The following AGBL1 variants were observed in gnomAD, a reference collection of about 807,000 sequenced individuals.
AGBL1 encodes the protein cytosolic carboxypeptidase 4.
A neutral mutation model predicts 118.9 loss-of-function variants in AGBL1; 130 were observed. The observed-to-expected ratio is 1.09, with a 90% CI of 0.95 to 1.26. AGBL1 has a LOEUF of 1.26. Ranked by LOEUF, AGBL1 falls within the 50% of genes most tolerant of loss-of-function variation. The pLI, the probability that AGBL1 is intolerant of heterozygous loss-of-function variation, is 0.00. For missense variants in AGBL1, 1,584 were observed against 1,298.1 expected, an observed-to-expected ratio of 1.22 and a Z score of -3.38; for synonymous variants, 555 against 478.9, an observed-to-expected ratio of 1.16 and a Z score of -2.08.
chr15:86,203,540 C>G (rs1295357499), intron 5 of AGBL1, among the ~76,000 whole-genome samples: 1 of 152,188 alleles, frequency 6.6e-6, no homozygotes, highest in Non-Finnish European at 1.5e-5. Flanking sequence ...AGAATTTTGA[C>G]TCACAGGCTT....
chr15:86,744,112 T>C (rs1210796663), intron 22 of AGBL1, among the ~76,000 whole-genome samples: 1 of 152,098 alleles, frequency 6.6e-6, no homozygotes, highest in Non-Finnish European at 1.5e-5. Flanking sequence ...GAGAAATGAA[T>C]GAAATGGGAG....
At chr15:86,384,639 A>C (rs2081158673) in intron 17 of AGBL1, among the ~76,000 whole-genome samples, 1 of 152,166 alleles carries the variant, frequency 6.6e-6, no homozygotes, top group Non-Finnish European at 1.5e-5. Flanking sequence ...GGATTGGCTC[A>C]TCTTTATTCA....
intron 1 of AGBL1, among the ~76,000 whole-genome samples, chr15:86,110,901 T>G (rs1407953318): frequency 6.6e-6 from 1 of 152,290 alleles, no homozygotes; most frequent in South Asian, 2.1e-4. Context: ...AGAGGTTTGT[T>G]TAGTAAACAA....
At chr15:86,996,271 G>A (rs924387087) in intron 24 of AGBL1, among the ~76,000 whole-genome samples, 1 of 152,160 alleles carries the variant, frequency 6.6e-6, no homozygotes, top group Non-Finnish European at 1.5e-5. Flanking sequence ...AGATCAAGCA[G>A]CAGATTCTTC....
intron 6 of AGBL1, among the ~76,000 whole-genome samples, chr15:86,234,584 C>A (rs1313361262): frequency 1.4e-5 from 2 of 147,700 alleles, no homozygotes; most frequent in African/African-American, 2.5e-5. Flanking sequence ...GAGTAAGTCA[C>A]AGTGGAGAAT....
chr15:86,479,997 A>C (rs1388966222), intron 18 of AGBL1, among the ~76,000 whole-genome samples: 1 of 152,126 alleles, frequency 6.6e-6, no homozygotes, highest in African/African-American at 2.4e-5. Context: ...AAAAAAACCA[A>C]ACACCACATG....
At chr15:86,419,912 A>G (rs539487860) in intron 18 of AGBL1, among the ~76,000 whole-genome samples, 7 of 152,278 alleles carry the variant, frequency 4.6e-5, no homozygotes, top group African/African-American at 1.7e-4. Context: ...CTGCCTCTCT[A>G]GATTCCTCCT....
At chr15:86,251,107 C>T (rs1459166020) in intron 7 of AGBL1, among the ~76,000 whole-genome samples, 1 of 152,138 alleles carries the variant, frequency 6.6e-6, no homozygotes, top group Admixed American at 6.5e-5. Context: ...GCAGACTCTC[C>T]AATATTGATA....
intron 23 of AGBL1, among the ~76,000 whole-genome samples, chr15:86,984,336 A>G (rs1446981827): frequency 6.7e-6 from 1 of 149,552 alleles, no homozygotes; most frequent in Admixed American, 6.7e-5. Context: ...ATTTTTTCAA[A>G]GTAGATTGTT....
intron 22 of AGBL1, among the ~76,000 whole-genome samples, chr15:86,743,061 A>G (rs1434506938): frequency 6.6e-6 from 1 of 152,122 alleles, no homozygotes; most frequent in Non-Finnish European, 1.5e-5. Context: ...GGATGAATGG[A>G]TGCATTTTGA....
chr15:86,286,673 T>C (rs1378646151), intron 16 of AGBL1, among the ~76,000 whole-genome samples: 3 of 144,174 alleles, frequency 2.1e-5, no homozygotes, highest in Admixed American at 7.1e-5. Flanking sequence ...TAGTAATCCA[T>C]TGTGTATGTA....
At chr15:86,694,957 G>A (rs1187944521) in intron 22 of AGBL1, among the ~76,000 whole-genome samples, 2 of 151,982 alleles carry the variant, frequency 1.3e-5, no homozygotes. Context: ...CTCAATCATG[G>A]TGGATTATCT....
intron 5 of AGBL1, among the ~76,000 whole-genome samples, chr15:86,207,900 A>C (rs970550855): frequency 2.0e-5 from 3 of 152,166 alleles, no homozygotes; most frequent in Non-Finnish European, 2.9e-5. Flanking sequence ...CACTTTTCAA[A>C]GGGAATGCTT....
downstream of AGBL1, among the ~76,000 whole-genome samples, chr15:86,919,220 G>A (rs2080460038): frequency 6.6e-6 from 1 of 152,136 alleles, no homozygotes; most frequent in African/African-American, 2.4e-5. Flanking sequence ...CTATAAGTGA[G>A]TGGCCCCTTC....
intron 22 of AGBL1, among the ~76,000 whole-genome samples, chr15:86,852,343 C>T (rs1414558606): frequency 6.6e-6 from 1 of 152,180 alleles, no homozygotes; most frequent in African/African-American, 2.4e-5. Flanking sequence ...ACACCTCCCT[C>T]TCTCCACACA....
Position 86,295,347 on chromosome 15 carries a change from T to G in AGBL1, c.2313T>G (p.Cys771Trp). 6.2e-7 allele frequency: 1 copy of G among 1,612,660 alleles called. No individual in the cohort carries two copies. The highest frequency in any genetic ancestry group is 8.5e-7 in the Non-Finnish European group (1 of 1,179,254). Reference protein sequence around the residue: ...VLCQTLGGNPCPLVTITAMPE... With the variant: ...VLCQTLGGNPWPLVTITAMPE... Reference sequence around the variant, plus strand: ...GCCAGACGCTGGGAGGGAATCCGTGTCCCTTGGTGACCATCACGGCCATGC... The same window carrying G: ...GCCAGACGCTGGGAGGGAATCCGTGGCCCTTGGTGACCATCACGGCCATGC... The change falls in exon 17 of 23, where the codon TGT becomes TGG. Residue 771 changes from cysteine to tryptophan, a missense_variant. By Grantham distance (215) the Cys-to-Trp change is radical (BLOSUM62 -2). Coordinates refer to ENST00000614907, the MANE Select transcript of AGBL1 (RefSeq NM_001386094.1).
At position 86,870,454 on chromosome 15, in the gene AGBL1, C is replaced by CAAAAAAAAA. The variant is rs770556494; in HGVS notation, c.3159-36599_3159-36591dup. On this transcript the variant is annotated intron_variant, in intron 22 of 22. Transcript: ENST00000614907. ...GGCAAGAAAAAAGTAAAGCATACTG[C>CAAAAAAAAA]AAAAAAAAAAAAAAAAAAAAAAAAA... 1.1e-3 allele frequency among the ~76,000 whole-genome samples: 69 copies of CAAAAAAAAA among 64,086 alleles called. 1 individual carries two copies. The highest frequency in any genetic ancestry group is 1.4e-3 in the Non-Finnish European group (51 of 36,168). The allele number at this position is 64,086 out of a possible 152,430, so 42.0% of individuals were successfully genotyped here. A position where few individuals can be genotyped will look rare whatever the true frequency, so the allele number is the denominator to read the frequency against.
At chr15:86,307,929 A>T (rs573400107) in intron 17 of AGBL1, among the ~76,000 whole-genome samples, 1 of 152,152 alleles carries the variant, frequency 6.6e-6, no homozygotes, top group Non-Finnish European at 1.5e-5. Context: ...AATGGCTTTC[A>T]CTCATACTAC....
At chr15:86,833,963 G>T (rs2079139648) in intron 22 of AGBL1, among the ~76,000 whole-genome samples, 1 of 152,062 alleles carries the variant, frequency 6.6e-6, no homozygotes. Context: ...GGTGCCAGGG[G>T]ACACATTTAG....
Sources: allele counts gnomAD v4.1 joint callset (sites outside exome capture counted in the v4.1 genomes callset), GRCh38; gene constraint gnomAD v4.1.1; transcripts MANE v1.5; gene names NCBI Gene and HGNC (gene_info 2026-07-23, HGNC 2026-07-21).